The following VWA8 variants were observed in gnomAD, a reference collection of about 807,000 sequenced individuals.
VWA8 encodes the protein von Willebrand factor A domain-containing protein 8.
In VWA8, 221 loss-of-function variants were observed where a neutral mutation model predicts 241.5. That is an observed-to-expected ratio of 0.91 (90% CI 0.82 to 1.02). The LOEUF is 1.02. Among genes scored for constraint, VWA8 ranks in the 50% least tolerant of loss-of-function variants. The probability of loss-of-function intolerance (pLI) is 0.00; values close to 1 mark genes in which losing one functional copy is unlikely to be tolerated. For synonymous variants in VWA8, 852 were observed against 827.1 expected (o/e 1.03, Z -0.52); for missense variants, 2,322 against 2,328.7 (o/e 1.00, Z 0.06).
intron 21 of VWA8, among the ~76,000 whole-genome samples, chr13:41,749,583 T>G (rs1035296711): frequency 9.9e-5 from 15 of 152,062 alleles, no homozygotes; most frequent in African/African-American, 3.4e-4. Context: ...CCACTCACAA[T>G]AGCAAAGACT....
intron 12 of VWA8, among the ~76,000 whole-genome samples, chr13:41,857,233 G>A (rs1872791734): frequency 6.6e-6 from 1 of 152,120 alleles, no homozygotes; most frequent in Admixed American, 6.5e-5. Flanking sequence ...TTATATACTA[G>A]TTTTACTTAT....
intron 12 of VWA8, among the ~76,000 whole-genome samples, chr13:41,857,136 A>T (rs2138037854): frequency 6.6e-6 from 1 of 152,360 alleles, no homozygotes; most frequent in East Asian, 1.9e-4. Flanking sequence ...TGGCACTTTG[A>T]CATAAAAATA....
chr13:41,775,758 ACC>A (rs34978909), intron 20 of VWA8, among the ~76,000 whole-genome samples: 2 of 152,168 alleles, frequency 1.3e-5, no homozygotes, highest in Non-Finnish European at 2.9e-5. Context: ...TTTGTATAGC[ACC>A]CTAGGACAAT....
At chr13:41,916,660 C>T (rs1367573136) in intron 2 of VWA8, among the ~76,000 whole-genome samples, 1 of 152,134 alleles carries the variant, frequency 6.6e-6, no homozygotes, top group African/African-American at 2.4e-5. Flanking sequence ...CACTAAACTA[C>T]TGAAAGAAAG....
At chr13:41,832,196 T>A (rs887270496) in intron 13 of VWA8, among the ~76,000 whole-genome samples, 4 of 152,194 alleles carry the variant, frequency 2.6e-5, no homozygotes, top group Admixed American at 2.6e-4. Context: ...CCCAAAGCAC[T>A]GGGATGATAG....
At chr13:41,695,462 A>G (rs1335654684) in intron 29 of VWA8, among the ~76,000 whole-genome samples, 1 of 152,222 alleles carries the variant, frequency 6.6e-6, no homozygotes, top group East Asian at 1.9e-4. Context: ...CAGTTAGGGT[A>G]GAATGAAGAA....
At chr13:41,634,167 A>G (rs2044742606) in intron 37 of VWA8, among the ~76,000 whole-genome samples, 1 of 152,180 alleles carries the variant, frequency 6.6e-6, no homozygotes. Flanking sequence ...CTACGTGAAG[A>G]GACTGTAGAT....
intron 2 of VWA8, chr13:41,925,950 G>T (rs758490326): frequency 1.9e-5 from 7 of 376,390 alleles, no homozygotes; most frequent in Middle Eastern, 7.8e-4. Flanking sequence ...GCAGCCTGGG[G>T]GTCACCTGAA....
In VWA8 at chr13:41,658,700, G is replaced by A. The variant is rs12872587; in HGVS notation, c.4611+12246C>T. On this transcript the variant is annotated intron_variant, in intron 37 of 44. Transcript: ENST00000379310. ...GCCTCACAGTTGCCCAGCTTCACTCGGACTTCCTTCCCAGACCACATCACT... is the reference window on the plus strand; with the variant it reads ...GCCTCACAGTTGCCCAGCTTCACTCAGACTTCCTTCCCAGACCACATCACT... 9.5e-3 allele frequency among the ~76,000 whole-genome samples: 1,441 copies of A among 152,228 alleles called. 12 individuals carry two copies. The highest frequency in any genetic ancestry group is 0.021 in the African/African-American group (862 of 41,512).
chr13:41,886,384 C>T (rs1250364282), intron 7 of VWA8, among the ~76,000 whole-genome samples: 1 of 151,412 alleles, frequency 6.6e-6, no homozygotes, highest in African/African-American at 2.4e-5. Context: ...TTAAAACAAA[C>T]AAACAAACAA....
intron 37 of VWA8, among the ~76,000 whole-genome samples, chr13:41,667,148 C>T (rs1213159811): frequency 6.6e-6 from 1 of 152,114 alleles, no homozygotes; most frequent in Non-Finnish European, 1.5e-5. Flanking sequence ...TTAAATAACC[C>T]AGTGGTTTCT....
intron 26 of VWA8, among the ~76,000 whole-genome samples, chr13:41,709,271 C>A (rs978983146): frequency 1.3e-4 from 20 of 152,146 alleles, no homozygotes; most frequent in Non-Finnish European, 1.8e-4. Context: ...CTCTAGTATT[C>A]AGAATCCATC....
intron 2 of VWA8, among the ~76,000 whole-genome samples, chr13:41,920,391 G>A (rs1256189067): frequency 6.6e-6 from 1 of 152,114 alleles, no homozygotes. Context: ...AGAGGCAAGA[G>A]CAAACACATT....
chr13:41,881,860 C>T (rs1162869977), intron 9 of VWA8, among the ~76,000 whole-genome samples: 3 of 134,286 alleles, frequency 2.2e-5, no homozygotes, highest in African/African-American at 6.1e-5. Context: ...GGGGGGCTGA[C>T]CCCCCCACCT....
chr13:41,688,129 C>T (rs1403036118), intron 34 of VWA8, among the ~76,000 whole-genome samples: 1 of 151,988 alleles, frequency 6.6e-6, no homozygotes, highest in South Asian at 2.1e-4. Context: ...AATAACGTTT[C>T]ATTTTGAATT....
chr13:41,871,375 T>C (rs1873602898), intron 9 of VWA8, among the ~76,000 whole-genome samples: 1 of 152,154 alleles, frequency 6.6e-6, no homozygotes, highest in South Asian at 2.1e-4. Context: ...TACATATGTA[T>C]ACATGTGCCA....
Position 41,719,703 on chromosome 13 carries a change from C to T in VWA8, c.3004G>A (p.Val1002Met). 1 of 1,613,070 alleles carries T rather than the reference C, an allele frequency of 6.2e-7. No homozygotes were observed. Among genetic ancestry groups the T allele is most frequent in the Non-Finnish European group, 8.5e-7 (1 of 1,179,418 alleles). ...TEGLSSVVRNVFDFDSYNNDM... is the reference protein window; with the variant it reads ...TEGLSSVVRNMFDFDSYNNDM... Reference sequence around the variant, plus strand: ...TTGTTGTAGGAATCAAAGTCAAACACATTTCGAACTACACTGGAGAGACCT... The same window carrying T: ...TTGTTGTAGGAATCAAAGTCAAACATATTTCGAACTACACTGGAGAGACCT... Residue 1002 changes from valine to methionine, a missense_variant, in exon 26 of 45, where the codon GTG becomes ATG. Val to Met is a conservative substitution (Grantham distance 21). Coordinates refer to ENST00000379310, the MANE Select transcript of VWA8 (RefSeq NM_015058.2).
At chr13:41,808,434 C>T (rs540943916) in intron 17 of VWA8, among the ~76,000 whole-genome samples, 2 of 152,228 alleles carry the variant, frequency 1.3e-5, no homozygotes, top group South Asian at 2.1e-4. Flanking sequence ...ACAAGCACTT[C>T]ACATTGTCAG....
At chr13:41,786,085 C>T (rs144047262) in intron 18 of VWA8, among the ~76,000 whole-genome samples, 30 of 152,216 alleles carry the variant, frequency 2.0e-4, no homozygotes, top group South Asian at 4.1e-4. Flanking sequence ...AAGAAACCCA[C>T]AGAATGGCAT....
Sources: allele counts gnomAD v4.1 joint callset (sites outside exome capture counted in the v4.1 genomes callset), GRCh38; gene constraint gnomAD v4.1.1; transcripts MANE v1.5; gene names NCBI Gene and HGNC (gene_info 2026-07-23, HGNC 2026-07-21).